Variants in SERPINE2 observed in about 807,000 individuals in gnomAD.
The protein encoded by SERPINE2 is glia-derived nexin.
Under a neutral mutation model 36.3 loss-of-function variants are expected in SERPINE2, and 14 were observed. That is an observed-to-expected ratio of 0.39 (90% CI 0.25 to 0.60). The LOEUF is 0.60. Ranked by LOEUF, SERPINE2 falls within the 20% of genes least tolerant of loss-of-function variation. The pLI is 0.57. For synonymous variants in SERPINE2, 192 were observed against 191.8 expected (o/e 1.00, Z -0.01); for missense variants, 418 against 499.6 (o/e 0.84, Z 1.56).
intron 3 of SERPINE2, among the ~76,000 whole-genome samples, chr2:223,992,304 AT>A (rs1205018031): frequency 3.0e-4 from 45 of 152,016 alleles, no homozygotes; most frequent in Admixed American, 2.3e-3. Flanking sequence ...CTTTAAAAAA[AT>A]CTTACTCATC....
At position 223,977,584 on chromosome 2, in the gene SERPINE2, T is replaced by C; in HGVS notation, c.1116A>G (p.Val372=). The part of the protein sequence containing the change: ...IARSSPPWFI[V]DRPFLFFIRH... ...GGATGAAAAACAGAAAAGGTCTGTC[T>C]ACTATAAACCAGGGAGGCGATGATC... Residue 372 remains valine, a synonymous_variant, in exon 8 of 9, where the codon GTA becomes GTG. Transcript: ENST00000409304. 6.2e-7 allele frequency: 1 copy of C among 1,613,616 alleles called. No homozygotes were observed.
At chr2:224,033,512 C>A (rs1400886641) in intron 1 of SERPINE2, among the ~76,000 whole-genome samples, 1 of 152,076 alleles carries the variant, frequency 6.6e-6, no homozygotes, top group Non-Finnish European at 1.5e-5. Flanking sequence ...CCTTTTAGAT[C>A]ATTTATTTCA....
At chr2:224,002,827 C>T (rs1444226214) in intron 1 of SERPINE2, among the ~76,000 whole-genome samples, 1 of 151,904 alleles carries the variant, frequency 6.6e-6, no homozygotes, top group Non-Finnish European at 1.5e-5. Flanking sequence ...GCCCTTCATC[C>T]AATTAAGCCA....
At chr2:224,038,813 C>G in intron 1 of SERPINE2, 1 of 392,408 alleles carries the variant, frequency 2.5e-6, no homozygotes, top group Non-Finnish European at 4.5e-6. Flanking sequence ...CTGGACGCCA[C>G]CCCGGGGCGG....
chr2:224,007,415 TC>T (rs1387106517), intron 1 of SERPINE2, among the ~76,000 whole-genome samples: 4 of 151,916 alleles, frequency 2.6e-5, no homozygotes, highest in South Asian at 4.2e-4. Context: ...TATTTAATAC[TC>T]CCCCCCATAC....
Position 224,017,988 on chromosome 2 carries a change from C to T in SERPINE2, c.-22-16066G>A, listed in dbSNP as rs143244759. Among the ~76,000 whole-genome samples, 380 of 152,216 alleles carry T rather than the reference C, an allele frequency of 2.5e-3. 2 individuals carry two copies. The highest frequency in any genetic ancestry group is 8.7e-3 in the African/African-American group (362 of 41,546). On this transcript the variant is annotated intron_variant, in intron 1 of 8. Coordinates refer to ENST00000409304, the MANE Select transcript of SERPINE2 (RefSeq NM_001136528.2). Reference sequence around the variant, plus strand: ...AAGACTTGTGGTCTTTTTTCAATTTCCTTTATTTCTTTGTTATTAGAGGGA... The same window carrying T: ...AAGACTTGTGGTCTTTTTTCAATTTTCTTTATTTCTTTGTTATTAGAGGGA...
intron 1 of SERPINE2, among the ~76,000 whole-genome samples, chr2:224,020,306 A>G (rs1691953920): frequency 6.6e-6 from 1 of 152,202 alleles, no homozygotes; most frequent in African/African-American, 2.4e-5. Flanking sequence ...AAGGTATAGG[A>G]GTCAGAAGAG....
intron 1 of SERPINE2, among the ~76,000 whole-genome samples, chr2:224,028,550 G>T (rs1429168597): frequency 1.3e-5 from 2 of 152,120 alleles, no homozygotes; most frequent in Admixed American, 1.3e-4. Context: ...GATCCAAAGT[G>T]TCCACCACAG....
chr2:223,994,426 C>A (rs1037874639), intron 3 of SERPINE2, among the ~76,000 whole-genome samples: 54 of 152,188 alleles, frequency 3.5e-4, no homozygotes, highest in African/African-American at 1.3e-3. Flanking sequence ...CAAAGAGGCA[C>A]ATGGAAACCT....
At chr2:224,026,677 CT>C (rs1348049548) in intron 1 of SERPINE2, among the ~76,000 whole-genome samples, 2 of 152,210 alleles carry the variant, frequency 1.3e-5, no homozygotes, top group African/African-American at 4.8e-5. Flanking sequence ...AGAGAAACTT[CT>C]GTATTTCAGT....
intron 1 of SERPINE2, among the ~76,000 whole-genome samples, chr2:224,035,249 T>C (rs1692494345): frequency 6.6e-6 from 1 of 152,104 alleles, no homozygotes. Context: ...AGAACGCCAC[T>C]ATAAGCAAGG....
intron 2 of SERPINE2, among the ~76,000 whole-genome samples, chr2:224,000,707 C>T (rs1444784807): frequency 6.6e-6 from 1 of 152,062 alleles, no homozygotes; most frequent in Non-Finnish European, 1.5e-5. Context: ...CCTCGACAGG[C>T]CCCAGTGTGT....
In SERPINE2 at chr2:223,987,448, G is replaced by A. The variant is rs546122819; in HGVS notation, c.686-2498C>T. Among the ~76,000 whole-genome samples, 203 of 152,242 alleles carry A rather than the reference G, an allele frequency of 1.3e-3. 2 individuals are homozygous for A. Among genetic ancestry groups the A allele is most frequent in the Non-Finnish European group, 5.0e-4 (34 of 68,014 alleles). ...GTGTCAGAGCATGGAGCCTCTCATC[G>A]TCCCAGAGCTTTTCCCTTTAAAATC... On this transcript the variant is annotated intron_variant, in intron 4 of 8. Coordinates refer to ENST00000409304, the MANE Select transcript of SERPINE2 (RefSeq NM_001136528.2).
rs1024372119 is a variant in SERPINE2 at position 224,037,673 on chromosome 2, A to G, written c.-23+1426T>C. ...AGGTCACCACCTCATTTCCAACTCT[A>G]CCACCTCAAACAATCTCTGACTGGT... On this transcript the variant is annotated intron_variant, in intron 1 of 8. Coordinates refer to ENST00000409304, the MANE Select transcript of SERPINE2 (RefSeq NM_001136528.2). Among the ~76,000 whole-genome samples, 6 of 152,202 alleles carry G rather than the reference A, an allele frequency of 3.9e-5. No individual in the cohort carries two copies. The East Asian group carries it at 1.2e-3, about 29-fold the overall frequency.
intron 3 of SERPINE2, among the ~76,000 whole-genome samples, chr2:223,994,939 C>T (rs1332551635): frequency 2.0e-5 from 3 of 152,188 alleles, no homozygotes; most frequent in African/African-American, 4.8e-5. Flanking sequence ...CAAGGTTATA[C>T]AGGTAGTATG....
chr2:223,977,706 C>G, intron 7 of SERPINE2, 79 bp from the exon 8 acceptor site: 1 of 911,002 alleles, frequency 1.1e-6, no homozygotes, highest in South Asian at 1.3e-5. Context: ...TAGCTAGCTT[C>G]ATGGACCCTC....
Position 224,001,910 on chromosome 2 carries a change from C to A in SERPINE2, c.-10G>T. The A allele has an allele frequency of 6.2e-7, 1 of 1,607,398 alleles. No individual in the cohort carries two copies. The highest frequency in any genetic ancestry group is 8.5e-7 in the Non-Finnish European group (1 of 1,174,764). On this transcript the variant is annotated 5_prime_UTR_variant, in exon 2 of 9. Transcript: ENST00000409304. ...GGAGATGCCAGTTCATGGTTCCTTC[C>A]ACCAAGGACGACCTGGAAAAGTAAG...
At chr2:224,015,083 G>A (rs1167681201) in intron 1 of SERPINE2, among the ~76,000 whole-genome samples, 1 of 151,980 alleles carries the variant, frequency 6.6e-6, no homozygotes, top group Non-Finnish European at 1.5e-5. Flanking sequence ...CATCTGCTAG[G>A]TGGGGGGAGG....
rs774838501 is a variant in SERPINE2, at chr2:223,991,930, T to C, written c.558A>G (p.Ala186=). The C allele has an allele frequency of 2.5e-6, 4 of 1,613,210 alleles. No individual in the cohort carries two copies. In the East Asian group the frequency reaches 6.7e-5, roughly 27 times the overall value. The change falls in exon 4 of 9, where the codon GCA becomes GCG. Residue 186 remains alanine, a synonymous_variant. Transcript: ENST00000409304. ...GVLTRLVLVN[A]VYFKGLWKSR... Reference sequence around the variant, plus strand: ...ATTTCCACAGACCCTTGAAATACACTGCGTTGACGAGGACCAGTCTGGTGA... The same window carrying C: ...ATTTCCACAGACCCTTGAAATACACCGCGTTGACGAGGACCAGTCTGGTGA...
Sources: gnomAD v4.1 joint callset for allele counts (sites outside exome capture counted in the v4.1 genomes callset) on GRCh38, gnomAD v4.1.1 for gene constraint, MANE v1.5 for transcripts, NCBI Gene and HGNC (gene_info 2026-07-23, HGNC 2026-07-21) for gene names.